The following TENM2 variants were observed in gnomAD, a reference collection of about 807,000 sequenced individuals.
TENM2 encodes the protein teneurin transmembrane protein 2.
In TENM2, 52 loss-of-function variants were observed where a neutral mutation model predicts 245.2. The observed-to-expected ratio is 0.21, with a 90% confidence interval of 0.17 to 0.27. The LOEUF is 0.27. TENM2 is among the 10% of genes least tolerant of loss of function. The pLI is 1.00. For missense variants in TENM2, 3,046 were observed against 3,666.8 expected, an observed-to-expected ratio of 0.83 and a Z score of 4.37; for synonymous variants, 1,363 against 1,438.9, an observed-to-expected ratio of 0.95 and a Z score of 1.19.
At chr5:167,361,547 A>T (rs187755681) in intron 1 of TENM2, among the ~76,000 whole-genome samples, 61 of 152,352 alleles carry the variant, frequency 4.0e-4, no homozygotes, top group African/African-American at 1.4e-3. Context: ...TAAAATTGCC[A>T]CTGTGTGGCA....
chr5:167,672,895 C>A (rs1234999032), intron 2 of TENM2, among the ~76,000 whole-genome samples: 3 of 146,702 alleles, frequency 2.0e-5, no homozygotes, highest in Non-Finnish European at 4.4e-5. Flanking sequence ...CTCTTCTACC[C>A]TCTCTGTCAG....
In TENM2 at chr5:168,017,290, A is replaced by G. The variant is rs2569048; in HGVS notation, c.1186+24108A>G. Among the ~76,000 whole-genome samples, 904 of 152,352 alleles carry G rather than the reference A, an allele frequency of 5.9e-3. 11 individuals are homozygous for G. Among genetic ancestry groups the G allele is most frequent in the African/African-American group, 0.021 (856 of 41,586 alleles). On this transcript the variant is annotated intron_variant, in intron 5 of 28. Transcript: ENST00000518659. ...TCCCTAAGTTTCAGATTATCATTTT[A>G]GAGCAGCAGCATGAGGATAATAATG...
intron 2 of TENM2, among the ~76,000 whole-genome samples, chr5:167,636,076 C>T (rs533056907): frequency 6.6e-6 from 1 of 152,098 alleles, no homozygotes; most frequent in South Asian, 2.1e-4. Flanking sequence ...ATGTTTCTAG[C>T]CTACTTAAAA....
At chr5:167,500,236 T>A (rs1769121498) in intron 2 of TENM2, among the ~76,000 whole-genome samples, 1 of 152,074 alleles carries the variant, frequency 6.6e-6, no homozygotes, top group South Asian at 2.1e-4. Context: ...TGAAGGGCCT[T>A]TGTTGTCTGT....
At chr5:168,201,861 T>A (rs1008337447) in intron 17 of TENM2, among the ~76,000 whole-genome samples, 2 of 152,082 alleles carry the variant, frequency 1.3e-5, no homozygotes, top group Non-Finnish European at 2.9e-5. Context: ...GTTGGTTGGT[T>A]GGTTGATTAA....
chr5:166,999,301 G>A, the TENM2 span, among the ~76,000 whole-genome samples: 35 of 152,194 alleles, frequency 2.3e-4, no homozygotes, highest in African/African-American at 8.4e-4. Flanking sequence ...AAGGAAAGAG[G>A]AAAAAAGTAT....
the TENM2 span, among the ~76,000 whole-genome samples, chr5:167,048,400 G>C: frequency 6.6e-6 from 1 of 152,174 alleles, no homozygotes; most frequent in African/African-American, 2.4e-5. Context: ...AAGGGTTTTA[G>C]TTATAAGGTT....
chr5:167,550,987 C>A (rs886445933), intron 2 of TENM2, among the ~76,000 whole-genome samples: 1 of 152,096 alleles, frequency 6.6e-6, no homozygotes, highest in East Asian at 1.9e-4. Flanking sequence ...CCTTGGCCTC[C>A]CAAAGTGCTG....
chr5:167,200,778 T>C, the TENM2 span, among the ~76,000 whole-genome samples: 3 of 152,132 alleles, frequency 2.0e-5, no homozygotes, highest in Admixed American at 1.3e-4. Context: ...CTTTCTGCCA[T>C]AGGGTATGCA....
At chr5:167,246,785 T>C in the TENM2 span, among the ~76,000 whole-genome samples, 2 of 151,836 alleles carry the variant, frequency 1.3e-5, no homozygotes, top group Non-Finnish European at 2.9e-5. Context: ...GGGGTGTGGA[T>C]GGGAGGAGGA....
the TENM2 span, among the ~76,000 whole-genome samples, chr5:167,137,477 A>G: frequency 6.6e-6 from 1 of 152,198 alleles, no homozygotes; most frequent in Non-Finnish European, 1.5e-5. Context: ...CACTTAGGGA[A>G]TGCTATTGAA....
intron 2 of TENM2, among the ~76,000 whole-genome samples, chr5:167,455,271 T>C (rs983478482): frequency 6.6e-6 from 1 of 152,310 alleles, no homozygotes; most frequent in East Asian, 1.9e-4. Context: ...AAACAACAAA[T>C]ATACAGTTCA....
At chr5:167,890,888 G>A (rs912404764) in intron 3 of TENM2, among the ~76,000 whole-genome samples, 4 of 152,102 alleles carry the variant, frequency 2.6e-5, no homozygotes, top group African/African-American at 9.7e-5. Flanking sequence ...ACACTATCAT[G>A]TGTATTACCT....
At chr5:167,495,908 T>A (rs145377316) in intron 2 of TENM2, among the ~76,000 whole-genome samples, 390 of 152,226 alleles carry the variant, frequency 2.6e-3, no homozygotes, top group African/African-American at 8.2e-3. Flanking sequence ...CTGATTCTCA[T>A]GACTTTGAAG....
Position 167,630,032 on chromosome 5 carries a change from A to G in TENM2, c.503-245954A>G, listed in dbSNP as rs73803913. ...GACTTCCAGTGGGTGCGGGAAATGGACAGTACCAAACCCTATATGTACAAT... is the reference window on the plus strand; with the variant it reads ...GACTTCCAGTGGGTGCGGGAAATGGGCAGTACCAAACCCTATATGTACAAT... On this transcript the variant is annotated intron_variant, in intron 2 of 28. Coordinates refer to ENST00000518659, the Ensembl canonical transcript of TENM2. Among the ~76,000 whole-genome samples the G allele has an allele frequency of 8.6e-3, 1,314 of 152,212 alleles. 8 individuals carry two copies. The highest frequency in any genetic ancestry group is 0.017 in the Middle Eastern group (5 of 294).
intron 22 of TENM2, among the ~76,000 whole-genome samples, chr5:168,217,376 A>G (rs1763289645): frequency 6.6e-6 from 1 of 152,190 alleles, no homozygotes; most frequent in Admixed American, 6.5e-5. Context: ...TATCACCCAA[A>G]GTGTGTGTTT....
intron 2 of TENM2, among the ~76,000 whole-genome samples, chr5:167,539,619 T>C (rs1772067280): frequency 6.6e-6 from 1 of 152,160 alleles, no homozygotes; most frequent in Non-Finnish European, 1.5e-5. Context: ...GACCTAGGTT[T>C]AAAAAGTAGG....
intron 2 of TENM2, among the ~76,000 whole-genome samples, chr5:167,517,918 T>C (rs1770494236): frequency 6.6e-6 from 1 of 152,104 alleles, no homozygotes; most frequent in Non-Finnish European, 1.5e-5. Flanking sequence ...CCGGGCACCG[T>C]GGCTCATGTC....
At chr5:167,532,028 C>G (rs6874924) in intron 2 of TENM2, among the ~76,000 whole-genome samples, 1,558 of 152,182 alleles carry the variant, frequency 0.01, 29 homozygotes, top group African/African-American at 0.036. Flanking sequence ...TCTTCAAACA[C>G]GGATATTAAG....
Sources: allele counts gnomAD v4.1 joint callset (sites outside exome capture counted in the v4.1 genomes callset), GRCh38; gene constraint gnomAD v4.1.1; transcripts MANE v1.5; gene names NCBI Gene and HGNC (gene_info 2026-07-23, HGNC 2026-07-21).